DGKB: variants seen among roughly 807,000 people sequenced by gnomAD.
DGKB encodes diacylglycerol kinase beta.
In DGKB, 67 loss-of-function variants were observed where a neutral mutation model predicts 114.3. The ratio of observed to expected loss-of-function variants is 0.59; its 90% CI spans 0.48 to 0.72. DGKB has a LOEUF of 0.72. DGKB is among the 30% of genes least tolerant of loss of function. The probability of loss-of-function intolerance (pLI) is 0.00; values close to 1 mark genes in which losing one functional copy is unlikely to be tolerated. For missense variants in DGKB, 907 were observed against 975.2 expected, an observed-to-expected ratio of 0.93 and a Z score of 0.93; for synonymous variants, 398 against 323.1, an observed-to-expected ratio of 1.23 and a Z score of -2.49.
chr7:14,857,840 A>G (rs1850412039), intron 1 of DGKB, among the ~76,000 whole-genome samples: 1 of 152,060 alleles, frequency 6.6e-6, no homozygotes, highest in Non-Finnish European at 1.5e-5. Context: ...TAAATGTATC[A>G]ATACATATTT....
rs374668892 is a variant in DGKB, at chr7:14,263,619, A to G, written c.2122+74896T>C. Among the ~76,000 whole-genome samples, 65 of 152,308 alleles carry G rather than the reference A, an allele frequency of 4.3e-4. 1 individual carries two copies. The East Asian group carries it at 0.012, about 27-fold the overall frequency. On this transcript the variant is annotated intron_variant, in intron 23 of 25. Coordinates refer to ENST00000402815, the MANE Select transcript of DGKB (RefSeq NM_001350709.2). The stretch of plus-strand genomic sequence containing the variant: ...TCCCTAATTTATGGTGGCCACCTTC[A>G]GAAGAGCAACATTCTTTCTTGCTCT...
chr7:14,831,888 C>T (rs1846462392), intron 2 of DGKB, among the ~76,000 whole-genome samples: 1 of 151,832 alleles, frequency 6.6e-6, no homozygotes, highest in African/African-American at 2.4e-5. Flanking sequence ...AATCAGACCA[C>T]TATAAGCAGA....
intron 21 of DGKB, among the ~76,000 whole-genome samples, chr7:14,458,449 C>T (rs571438349): frequency 2.0e-4 from 30 of 152,264 alleles, no homozygotes; most frequent in African/African-American, 6.0e-4. Flanking sequence ...CAGCTCCCAG[C>T]GAAATCAATG....
intron 13 of DGKB, among the ~76,000 whole-genome samples, chr7:14,640,399 C>A (rs1382732793): frequency 6.6e-6 from 1 of 151,978 alleles, no homozygotes; most frequent in Non-Finnish European, 1.5e-5. Context: ...TATTTGTGGT[C>A]AAGATAAAAT....
At chr7:14,766,361 G>C (rs1836458845) in intron 2 of DGKB, among the ~76,000 whole-genome samples, 1 of 151,830 alleles carries the variant, frequency 6.6e-6, no homozygotes, top group Non-Finnish European at 1.5e-5. Context: ...TAGGAAAGAT[G>C]AATTATTTTG....
intron 23 of DGKB, among the ~76,000 whole-genome samples, chr7:14,224,566 A>G (rs897121488): frequency 2.0e-5 from 3 of 151,796 alleles, no homozygotes; most frequent in South Asian, 4.1e-4. Flanking sequence ...TTCAGGTACC[A>G]TACTTTTGTA....
At chr7:14,492,631 C>T (rs983908629) in intron 20 of DGKB, among the ~76,000 whole-genome samples, 2 of 152,074 alleles carry the variant, frequency 1.3e-5, no homozygotes, top group East Asian at 1.9e-4. Flanking sequence ...CATGAACCCC[C>T]GCCATGATGG....
Position 14,613,377 on chromosome 7 carries a change from A to G in DGKB, c.1321T>C (p.Phe441Leu), listed in dbSNP as rs1805924366. ...TTTCCACCACTTTTGGGGTTCACAA[A>G]AACTAAAAGTGGGTGAGTACCAGGC... ...PVPGTHPLLV[F>L]VNPKSGGKQG... The change falls in exon 16 of 26, where the codon TTT becomes CTT. Residue 441 changes from phenylalanine to leucine, a missense_variant. Phe to Leu is a conservative substitution (Grantham distance 22). Transcript: ENST00000402815. The G allele has an allele frequency of 6.4e-7, 1 of 1,571,762 alleles. No homozygotes were observed. Among genetic ancestry groups the G allele is most frequent in the Admixed American group, 1.8e-5 (1 of 54,462 alleles).
At chr7:14,804,806 G>T (rs1283661248) in intron 2 of DGKB, among the ~76,000 whole-genome samples, 1 of 151,808 alleles carries the variant, frequency 6.6e-6, no homozygotes, top group Non-Finnish European at 1.5e-5. Flanking sequence ...ATCTAATGAG[G>T]TTACAGCACC....
intron 21 of DGKB, among the ~76,000 whole-genome samples, chr7:14,476,993 G>GCC (rs1782281026): frequency 6.6e-6 from 1 of 151,924 alleles, no homozygotes; most frequent in African/African-American, 2.4e-5. Flanking sequence ...CTCATGATCT[G>GCC]CCCGCCTTGG....
At chr7:14,779,409 T>C (rs1838733147) in intron 2 of DGKB, among the ~76,000 whole-genome samples, 2 of 152,006 alleles carry the variant, frequency 1.3e-5, no homozygotes, top group Admixed American at 6.6e-5. Context: ...TGGTGGCACA[T>C]GCCTATAGTC....
At chr7:14,304,087 A>ACACACACACACACACACACACACTCT (rs140836395) in intron 23 of DGKB, among the ~76,000 whole-genome samples, 3 of 110,072 alleles carry the variant, frequency 2.7e-5, no homozygotes, top group African/African-American at 1.1e-4. Context: ...ACACACACAC[A>ACACACACACACACACACACACACTCT]CTCTCTCTCT....
chr7:14,164,866 T>A (rs953985396), intron 25 of DGKB, among the ~76,000 whole-genome samples: 9 of 152,120 alleles, frequency 5.9e-5, no homozygotes, highest in Admixed American at 5.9e-4. Flanking sequence ...AGAAATTAAT[T>A]AATGCTTTCT....
At chr7:14,421,152 T>C (rs196759) in intron 21 of DGKB, among the ~76,000 whole-genome samples, 146,171 of 152,160 alleles carry the variant, frequency 0.96, 70,400 homozygotes, top group Non-Finnish European at 1. Context: ...AACCCCAGAA[T>C]ATTTTGTAAC....
chr7:14,213,139 G>A (rs920060944), intron 23 of DGKB, among the ~76,000 whole-genome samples: 3 of 151,890 alleles, frequency 2.0e-5, no homozygotes, highest in Non-Finnish European at 4.4e-5. Flanking sequence ...TCTAAAATTT[G>A]ATTTATTCAG....
chr7:14,737,088 A>AT (rs1461781752), intron 4 of DGKB, among the ~76,000 whole-genome samples: 4 of 152,106 alleles, frequency 2.6e-5, no homozygotes, highest in Non-Finnish European at 5.9e-5. Flanking sequence ...TGCAGGAACA[A>AT]TGGTGCATGA....
chr7:14,302,631 C>T (rs1356131878), intron 23 of DGKB, among the ~76,000 whole-genome samples: 1 of 152,058 alleles, frequency 6.6e-6, no homozygotes, highest in African/African-American at 2.4e-5. Flanking sequence ...TCCTGCAATA[C>T]ACTTTTATTG....
chr7:14,912,902 C>G (rs1266600366), intron 1 of DGKB, among the ~76,000 whole-genome samples: 3 of 152,088 alleles, frequency 2.0e-5, no homozygotes, highest in Non-Finnish European at 4.4e-5. Context: ...TAAGTTATCC[C>G]TCATTATTTT....
At chr7:14,310,628 G>A (rs781113527) in intron 23 of DGKB, among the ~76,000 whole-genome samples, 3 of 152,126 alleles carry the variant, frequency 2.0e-5, no homozygotes, top group Non-Finnish European at 4.4e-5. Context: ...CCAGTTTCTA[G>A]ACCTGCATTG....
Sources: allele counts gnomAD v4.1 joint callset (sites outside exome capture counted in the v4.1 genomes callset), GRCh38; gene constraint gnomAD v4.1.1; transcripts MANE v1.5; gene names NCBI Gene and HGNC (gene_info 2026-07-23, HGNC 2026-07-21).